Variants in ACBD3 observed in about 807,000 individuals in gnomAD.
ACBD3 encodes Golgi resident protein GCP60.
Under a neutral mutation model 66.9 loss-of-function variants are expected in ACBD3, and 30 were observed. That is an observed-to-expected ratio of 0.45 (90% CI 0.34 to 0.61). ACBD3 has a LOEUF of 0.61. Among genes scored for constraint, ACBD3 ranks in the 20% least tolerant of loss-of-function variants. The pLI, the probability that ACBD3 is intolerant of heterozygous loss-of-function variation, is 0.02. For missense variants in ACBD3, 544 were observed against 664.5 expected (o/e 0.82, Z 1.99); for synonymous variants, 278 against 259.8 (o/e 1.07, Z -0.68).
chr1:226,158,781 G>A (rs1235847135), intron 5 of ACBD3, among the ~76,000 whole-genome samples: 1 of 152,202 alleles, frequency 6.6e-6, no homozygotes, highest in Non-Finnish European at 1.5e-5. Context: ...TGCAGAACCA[G>A]CCCATGGTCT....
intron 1 of ACBD3, among the ~76,000 whole-genome samples, chr1:226,174,908 C>T (rs915484343): frequency 1.3e-5 from 2 of 151,826 alleles, no homozygotes; most frequent in Non-Finnish European, 2.9e-5. Context: ...GCCTGACCAA[C>T]ATGGTGAAAC....
chr1:226,185,779 T>C (rs890596479), intron 1 of ACBD3, among the ~76,000 whole-genome samples: 1 of 152,198 alleles, frequency 6.6e-6, no homozygotes, highest in Non-Finnish European at 1.5e-5. Flanking sequence ...TAGAAGTTAC[T>C]AGAACATAGT....
intron 6 of ACBD3, among the ~76,000 whole-genome samples, chr1:226,153,365 C>A (rs1659613671): frequency 6.6e-6 from 1 of 152,208 alleles, no homozygotes; most frequent in Non-Finnish European, 1.5e-5. Flanking sequence ...CAAGGAAGAT[C>A]TCTGAAACCA....
At chr1:226,183,811 G>A (rs1209253292) in intron 1 of ACBD3, among the ~76,000 whole-genome samples, 2 of 149,208 alleles carry the variant, frequency 1.3e-5, no homozygotes, top group Non-Finnish European at 1.5e-5. Context: ...TTGAACCCTC[G>A]AGGCAGAGGT....
At chr1:226,153,547 T>A (rs1659616609) in intron 6 of ACBD3, among the ~76,000 whole-genome samples, 1 of 152,162 alleles carries the variant, frequency 6.6e-6, no homozygotes. Context: ...TTTTACATTC[T>A]CTCAAAGATA....
chr1:226,147,270 G>GTTCA (rs1316048104), intron 7 of ACBD3, among the ~76,000 whole-genome samples: 1 of 152,068 alleles, frequency 6.6e-6, no homozygotes, highest in African/African-American at 2.4e-5. Flanking sequence ...GCATTTATTA[G>GTTCA]TTCGTTCATT....
intron 1 of ACBD3, among the ~76,000 whole-genome samples, chr1:226,170,020 C>CAAAAAAAAA (rs771896387): frequency 4.0e-5 from 3 of 74,948 alleles, no homozygotes; most frequent in Admixed American, 1.6e-4. Flanking sequence ...GATTCCATCT[C>CAAAAAAAAA]AAAAAAAAAA....
chr1:226,164,849 T>C lies in ACBD3; in HGVS notation c.509A>G (p.His170Arg), dbSNP rs747404751. 6.2e-7 allele frequency: 1 copy of C among 1,611,686 alleles called. No homozygotes were observed. Among genetic ancestry groups the C allele is most frequent in the Non-Finnish European group, 8.5e-7 (1 of 1,178,940 alleles). The change falls in exon 3 of 8, where the codon CAT (histidine) becomes CGT (arginine). Residue 170 changes from histidine (H) to arginine (R), a missense_variant. Physicochemically the swap from His to Arg is conservative, Grantham distance 29. Around this residue, in one of 3 missense-constraint regions of ACBD3, gnomAD observed 383 missense variants for 462.4 expected, o/e 0.83. Transcript: ENST00000366812. ...GGACGCAACATATGTTGAAAAGAGA[T>C]GGCAACACCTATTTAAGAGCTTGAC... ...EFVKLLNRCC[H>R]LFSTYVASHK...
intron 6 of ACBD3, 68 bp from the exon 7 acceptor site, chr1:226,152,687 T>C (rs576771637): frequency 3.8e-4 from 554 of 1,445,588 alleles, no homozygotes; most frequent in Non-Finnish European, 4.1e-4. Flanking sequence ...CACATTTTCA[T>C]AGCACTACCT....
At chr1:226,158,033 A>G (rs1659707623) in intron 5 of ACBD3, among the ~76,000 whole-genome samples, 3 of 152,254 alleles carry the variant, frequency 2.0e-5, no homozygotes, top group Admixed American at 6.5e-5. Flanking sequence ...AGGAGAGAGA[A>G]TAAATCTCTC....
intron 4 of ACBD3, among the ~76,000 whole-genome samples, chr1:226,160,716 G>T (rs991342870): frequency 6.6e-6 from 1 of 152,202 alleles, no homozygotes; most frequent in Admixed American, 6.5e-5. Flanking sequence ...ACTTCCCAGT[G>T]TTTTATGGGT....
chr1:226,173,161 A>G (rs962500081), intron 1 of ACBD3, among the ~76,000 whole-genome samples: 6 of 152,070 alleles, frequency 3.9e-5, no homozygotes, highest in Non-Finnish European at 1.5e-5. Flanking sequence ...AGTCCCAGCT[A>G]CTAGGGTGGC....
chr1:226,165,870 C>G lies in ACBD3; in HGVS notation c.417G>C (p.Gly139=). Residue 139 remains glycine (G), a synonymous_variant, in exon 2 of 8, where the codon GGG becomes GGC. Coordinates refer to ENST00000366812, the MANE Select transcript of ACBD3 (RefSeq NM_022735.4). ...AAAAACACTGTTACCTCCTGTCATTCCCCAACACATCAAAGAATCCAACCT... is the reference window on the plus strand; with the variant it reads ...AAAAACACTGTTACCTCCTGTCATTGCCCAACACATCAAAGAATCCAACCT... ...CPEVGFFDVL[G]NDRRREWAAL... is the part of the protein sequence containing the mutation. The G allele has an allele frequency of 6.2e-7, 1 of 1,609,256 alleles. No homozygotes were observed. Among genetic ancestry groups the G allele is most frequent in the South Asian group, 1.1e-5 (1 of 89,714 alleles).
intron 1 of ACBD3, among the ~76,000 whole-genome samples, chr1:226,177,361 C>CA (rs1553269000): frequency 7.2e-6 from 1 of 138,118 alleles, no homozygotes; most frequent in African/African-American, 2.7e-5. Context: ...CCACTCTTGG[C>CA]TTTTTTTTTT....
chr1:226,152,231 TG>T, intron 7 of ACBD3, 103 bp downstream of exon 7: 1 of 1,423,162 alleles, frequency 7.0e-7, no homozygotes. Context: ...TCCCTAACCA[TG>T]AAGTGTTAGT....
intron 5 of ACBD3, among the ~76,000 whole-genome samples, chr1:226,157,670 A>C (rs1659702080): frequency 6.6e-6 from 1 of 151,840 alleles, no homozygotes. Context: ...CTCCCAAGTA[A>C]CTGGGACTAC....
chr1:226,159,381 T>TA (rs1443881113), intron 4 of ACBD3, 23 bp from the exon 5 acceptor site: 1 of 1,610,296 alleles, frequency 6.2e-7, no homozygotes, highest in Non-Finnish European at 8.5e-7. Context: ...AAAATATATA[T>TA]ACTAGTCTGG....
At chr1:226,157,673 G>A (rs912290693) in intron 5 of ACBD3, among the ~76,000 whole-genome samples, 6 of 152,084 alleles carry the variant, frequency 3.9e-5, no homozygotes, top group Admixed American at 2.6e-4. Flanking sequence ...CCAAGTAACT[G>A]GGACTACAGG....
In ACBD3 at chr1:226,146,583, T is replaced by C. The variant is rs1062716; in HGVS notation, c.*27A>G. 6.3e-7 allele frequency: 1 copy of C among 1,595,828 alleles called. No homozygotes were observed. The highest frequency in any genetic ancestry group is 8.6e-7 in the Non-Finnish European group (1 of 1,164,456). On this transcript the variant is annotated 3_prime_UTR_variant, in exon 8 of 8. Transcript: ENST00000366812. ...TTAAATGTCATCTTCTGCCCAACCC[T>C]AGACTCCAGACTTTGTAACAACATT...
Sources: allele counts gnomAD v4.1 joint callset (sites outside exome capture counted in the v4.1 genomes callset), GRCh38; gene constraint gnomAD v4.1.1; regional missense constraint gnomAD v4.1.1; transcripts MANE v1.5; gene names NCBI Gene and HGNC (gene_info 2026-07-23, HGNC 2026-07-21).